Variants in KCNB2 observed in about 807,000 individuals in gnomAD.
KCNB2 encodes potassium voltage-gated channel subfamily B member 2, also known as delayed rectifier potassium channel protein.
Under a neutral mutation model 61.5 loss-of-function variants are expected in KCNB2, and 15 were observed. That is an observed-to-expected ratio of 0.24 (90% confidence interval 0.16 to 0.38). The LOEUF is 0.38. Among genes scored for constraint, KCNB2 ranks in the 10% least tolerant of loss-of-function variants. The probability of loss-of-function intolerance (pLI) is 1.00; values close to 1 mark genes in which losing one functional copy is unlikely to be tolerated. For missense variants in KCNB2, 828 were observed against 1,125.2 expected (o/e 0.74, Z 3.78); for synonymous variants, 457 against 446.0 (o/e 1.02, Z -0.31).
chr8:72,573,214 A>C (rs1806742083), intron 2 of KCNB2, among the ~76,000 whole-genome samples: 1 of 152,234 alleles, frequency 6.6e-6, no homozygotes. Context: ...GGAAGAAAAA[A>C]TACATAACAT....
At chr8:72,548,455 CT>C (rs1806295140) in intron 1 of KCNB2, among the ~76,000 whole-genome samples, 1 of 152,180 alleles carries the variant, frequency 6.6e-6, no homozygotes, top group African/African-American at 2.4e-5. Context: ...GGTTTGCTAT[CT>C]TGGAAGAAAT....
At chr8:72,773,759 A>AC (rs1185791329) in intron 2 of KCNB2, among the ~76,000 whole-genome samples, 1 of 152,212 alleles carries the variant, frequency 6.6e-6, no homozygotes. Context: ...GAGTTCATTT[A>AC]CCTTCACAAT....
intron 2 of KCNB2, among the ~76,000 whole-genome samples, chr8:72,643,724 T>C (rs1448352492): frequency 6.6e-6 from 1 of 152,144 alleles, no homozygotes; most frequent in Non-Finnish European, 1.5e-5. Context: ...ACTTGAACAC[T>C]TCCCATCCAG....
chr8:72,715,989 G>A (rs571550614), intron 2 of KCNB2, among the ~76,000 whole-genome samples: 7 of 152,106 alleles, frequency 4.6e-5, no homozygotes, highest in African/African-American at 7.2e-5. Flanking sequence ...TATCACCACC[G>A]ATCCCACAGA....
intron 2 of KCNB2, among the ~76,000 whole-genome samples, chr8:72,623,414 G>A (rs1404989613): frequency 2.0e-5 from 3 of 152,172 alleles, no homozygotes; most frequent in African/African-American, 4.8e-5. Flanking sequence ...GCAGCATCAA[G>A]GACAGAGTGG....
chr8:72,675,040 C>G (rs1439512303), intron 2 of KCNB2, among the ~76,000 whole-genome samples: 3 of 152,118 alleles, frequency 2.0e-5, no homozygotes, highest in African/African-American at 7.2e-5. Flanking sequence ...CTATTTGCTC[C>G]TTTAGTCATA....
At chr8:72,630,371 G>C (rs2128984902) in intron 2 of KCNB2, among the ~76,000 whole-genome samples, 1 of 152,228 alleles carries the variant, frequency 6.6e-6, no homozygotes, top group Admixed American at 6.5e-5. Context: ...TTAAACCATA[G>C]AATTTTTGTC....
At chr8:72,826,237 AT>A (rs1217566669) in intron 2 of KCNB2, among the ~76,000 whole-genome samples, 1 of 152,216 alleles carries the variant, frequency 6.6e-6, no homozygotes, top group East Asian at 1.9e-4. Context: ...GAAGAGTCTA[AT>A]TCTAACATCT....
chr8:72,920,410 C>T (rs1325356899), intron 2 of KCNB2, among the ~76,000 whole-genome samples: 1 of 135,730 alleles, frequency 7.4e-6, no homozygotes, highest in African/African-American at 2.6e-5. Flanking sequence ...CTTGACCAGC[C>T]TGGGCAACAT....
Position 72,738,713 on chromosome 8 carries a change from T to C in KCNB2, c.579+170400T>C, listed in dbSNP as rs76052971. On this transcript the variant is annotated intron_variant, in intron 2 of 2. Coordinates refer to ENST00000523207, the MANE Select transcript of KCNB2 (RefSeq NM_004770.3). ...GTTGGCATGTGGTGATTAAGATTAA[T>C]TGGTTGCTGAGACTTGGTGGTTCTG... is the stretch of plus-strand genomic sequence containing the variant. 7.0e-3 allele frequency among the ~76,000 whole-genome samples: 1,059 copies of C among 152,270 alleles called. 17 individuals are homozygous for C. Among genetic ancestry groups the C allele is most frequent in the East Asian group, 0.028 (145 of 5,170 alleles).
intron 1 of KCNB2, among the ~76,000 whole-genome samples, chr8:72,557,513 A>G (rs1402586295): frequency 6.6e-6 from 1 of 152,192 alleles, no homozygotes; most frequent in African/African-American, 2.4e-5. Context: ...GGAGTGAGTG[A>G]GTATAAGCTG....
chr8:72,655,921 T>C (rs1021778273), intron 2 of KCNB2, among the ~76,000 whole-genome samples: 4 of 152,162 alleles, frequency 2.6e-5, no homozygotes, highest in Non-Finnish European at 5.9e-5. Flanking sequence ...GCATGTTCCT[T>C]GTCCTCAGGG....
intron 2 of KCNB2, among the ~76,000 whole-genome samples, chr8:72,674,312 G>A (rs561950645): frequency 7.2e-5 from 11 of 152,212 alleles, no homozygotes; most frequent in African/African-American, 2.2e-4. Context: ...TTTTCACTAA[G>A]CCTTCTGAAT....
intron 2 of KCNB2, among the ~76,000 whole-genome samples, chr8:72,784,709 C>T (rs1382722775): frequency 6.6e-6 from 1 of 152,168 alleles, no homozygotes. Flanking sequence ...CACATGAGGT[C>T]CCACTCCCAA....
chr8:72,582,819 G>A (rs930035534), intron 2 of KCNB2, among the ~76,000 whole-genome samples: 5 of 151,924 alleles, frequency 3.3e-5, no homozygotes, highest in African/African-American at 1.2e-4. Flanking sequence ...CGAGGTCTTG[G>A]GATGTTGCCA....
In KCNB2 at chr8:72,910,870, G is replaced by A. The variant is rs528978220; in HGVS notation, c.580-25065G>A. On this transcript the variant is annotated intron_variant, in intron 2 of 2. Coordinates refer to ENST00000523207, the MANE Select transcript of KCNB2 (RefSeq NM_004770.3). ...AAATTTGAGTTTGCCTCATGCCATG[G>A]TTTGAAGTATAACAAAAAGACCTTC... 5.3e-5 allele frequency among the ~76,000 whole-genome samples: 8 copies of A among 152,310 alleles called. No homozygotes were observed. The South Asian group carries it at 1.7e-3, about 32-fold the overall frequency.
At chr8:72,583,656 C>T (rs1447515116) in intron 2 of KCNB2, among the ~76,000 whole-genome samples, 1 of 152,048 alleles carries the variant, frequency 6.6e-6, no homozygotes, top group African/African-American at 2.4e-5. Context: ...TCACATGGCA[C>T]CAGGCTCCCC....
intron 2 of KCNB2, among the ~76,000 whole-genome samples, chr8:72,888,907 G>T (rs1805851165): frequency 6.6e-6 from 1 of 152,116 alleles, no homozygotes; most frequent in Non-Finnish European, 1.5e-5. Context: ...ATGTATTTTT[G>T]CCATCTGCTG....
At chr8:72,896,414 C>T (rs1303454188) in intron 2 of KCNB2, among the ~76,000 whole-genome samples, 3 of 152,130 alleles carry the variant, frequency 2.0e-5, no homozygotes, top group Non-Finnish European at 4.4e-5. Flanking sequence ...ATAAGGCCAA[C>T]ACTAAATGAT....
Sources: allele counts gnomAD v4.1 joint callset (sites outside exome capture counted in the v4.1 genomes callset), GRCh38; gene constraint gnomAD v4.1.1; transcripts MANE v1.5; gene names NCBI Gene and HGNC (gene_info 2026-07-23, HGNC 2026-07-21).